Variants in LRRC49 observed in about 807,000 individuals in gnomAD.
LRRC49 encodes the protein leucine rich repeat containing 49, also known as leucine-rich repeat-containing protein 49.
A neutral mutation model predicts 83.3 loss-of-function variants in LRRC49; 50 were observed. That is an observed-to-expected ratio of 0.60 (90% CI 0.48 to 0.76). LRRC49 has a LOEUF of 0.76. LRRC49 is among the 30% of genes least tolerant of loss of function. The probability of loss-of-function intolerance (pLI) is 0.00; values close to 1 mark genes in which losing one functional copy is unlikely to be tolerated. For missense variants in LRRC49, 704 were observed against 809.1 expected, an observed-to-expected ratio of 0.87 and a Z score of 1.58; for synonymous variants, 286 against 283.3, an observed-to-expected ratio of 1.01 and a Z score of -0.10.
At chr15:70,892,582 G>A (rs2033627855), upstream of LRRC49, 3 of 1,477,858 alleles carry the variant, frequency 2.0e-6, no homozygotes, top group African/African-American at 1.4e-5. Flanking sequence ...CGGAAGTGGT[G>A]GTGGTTATAG....
chr15:70,974,291 A>G (rs535964651), intron 9 of LRRC49, among the ~76,000 whole-genome samples: 1 of 152,270 alleles, frequency 6.6e-6, no homozygotes, highest in East Asian at 1.9e-4. Context: ...TGCTATAGAC[A>G]GTGTTTTGGT....
At chr15:70,870,780 G>T (rs2096749887) in intron 1 of LRRC49, among the ~76,000 whole-genome samples, 1 of 152,146 alleles carries the variant, frequency 6.6e-6, no homozygotes, top group Non-Finnish European at 1.5e-5. Flanking sequence ...GTGAGCCACC[G>T]TGCCCAGCCA....
At chr15:70,885,485 G>A (rs2033382323) in intron 2 of LRRC49, among the ~76,000 whole-genome samples, 1 of 152,074 alleles carries the variant, frequency 6.6e-6, no homozygotes, top group South Asian at 2.1e-4. Context: ...GCAGCCAGAG[G>A]AAAAAAGATA....
upstream of LRRC49, among the ~76,000 whole-genome samples, chr15:70,890,422 G>A (rs1448852296): frequency 1.3e-5 from 2 of 152,084 alleles, no homozygotes; most frequent in South Asian, 2.1e-4. Flanking sequence ...TGTTCTTATA[G>A]TCATGTAATC....
At chr15:70,922,633 T>G (rs2035050303) in intron 7 of LRRC49, among the ~76,000 whole-genome samples, 1 of 152,012 alleles carries the variant, frequency 6.6e-6, no homozygotes, top group Non-Finnish European at 1.5e-5. Flanking sequence ...GTGACTATAG[T>G]CAATAATAAA....
upstream of LRRC49, among the ~76,000 whole-genome samples, chr15:70,890,462 A>G (rs1479345428): frequency 1.3e-5 from 2 of 152,202 alleles, no homozygotes; most frequent in East Asian, 3.8e-4. Flanking sequence ...AATTACTTAA[A>G]TTTGTAAAAT....
chr15:71,011,223 A>G (rs2038641068), intron 13 of LRRC49, among the ~76,000 whole-genome samples: 1 of 152,112 alleles, frequency 6.6e-6, no homozygotes, highest in Non-Finnish European at 1.5e-5. Flanking sequence ...GGACCTAATA[A>G]TTAGTCCTAA....
chr15:70,862,275 G>C (rs1225332064), intron 1 of LRRC49, among the ~76,000 whole-genome samples: 1 of 151,944 alleles, frequency 6.6e-6, no homozygotes, highest in East Asian at 1.9e-4. Context: ...TCACCTGGGG[G>C]GCTTTTAAAA....
intron 3 of LRRC49, among the ~76,000 whole-genome samples, chr15:70,896,171 T>C (rs1376929160): frequency 1.3e-5 from 2 of 152,006 alleles, no homozygotes; most frequent in East Asian, 3.9e-4. Context: ...GGCTATACAC[T>C]AGAGAATGGA....
intron 13 of LRRC49, among the ~76,000 whole-genome samples, chr15:71,012,469 A>G (rs1465141726): frequency 1.3e-5 from 2 of 151,986 alleles, no homozygotes; most frequent in Non-Finnish European, 2.9e-5. Context: ...CCTCTAAATC[A>G]TTCTAATCCA....
chr15:70,863,625 G>A (rs1232380276), intron 1 of LRRC49, among the ~76,000 whole-genome samples: 1 of 152,128 alleles, frequency 6.6e-6, no homozygotes, highest in East Asian at 1.9e-4. Flanking sequence ...TAGGAGCCAG[G>A]CACCACAAGC....
Position 71,037,301 on chromosome 15 carries a change from C to G in LRRC49, c.1826C>G (p.Thr609Ser). Residue 609 changes from threonine (T) to serine (S), a missense_variant, in exon 15 of 16, where the codon ACT becomes AGT. Physicochemically the swap from Thr to Ser is moderately conservative, Grantham distance 58. Transcript: ENST00000260382. Reference protein sequence around the residue: ...ENTNRATLNYTTRDFYNEKLE... With the variant: ...ENTNRATLNYSTRDFYNEKLE... The stretch of plus-strand genomic sequence containing the variant: ...ACAAATCGTGCTACATTAAATTATA[C>G]TACAAGAGACTTTTATAATGAAAAG... The G allele has an allele frequency of 3.7e-6, 6 of 1,600,646 alleles. No individual in the cohort carries two copies. Among genetic ancestry groups the G allele is most frequent in the Non-Finnish European group, 5.1e-6 (6 of 1,174,668 alleles).
chr15:71,042,410 G>T (rs2039722616), intron 15 of LRRC49, among the ~76,000 whole-genome samples: 1 of 152,138 alleles, frequency 6.6e-6, no homozygotes, highest in Non-Finnish European at 1.5e-5. Flanking sequence ...AAAGAGGAAA[G>T]AAGGAATCTG....
intron 9 of LRRC49, among the ~76,000 whole-genome samples, chr15:70,970,477 A>G (rs1344743428): frequency 6.6e-6 from 1 of 152,174 alleles, no homozygotes; most frequent in African/African-American, 2.4e-5. Context: ...AGGATTTAGT[A>G]TCAGGATGAT....
At chr15:70,883,022 T>C in intron 2 of LRRC49, 1 of 981,220 alleles carries the variant, frequency 1.0e-6, no homozygotes. Context: ...CACATATTAG[T>C]AAGGCTGATA....
chr15:70,974,286 TAGAC>T (rs2141213312), intron 9 of LRRC49, among the ~76,000 whole-genome samples: 1 of 152,342 alleles, frequency 6.6e-6, no homozygotes, highest in South Asian at 2.1e-4. Flanking sequence ...AGGAGTGCTA[TAGAC>T]AGTGTTTTGG....
At chr15:70,893,562 T>G (rs577294170) in intron 1 of LRRC49, 22 bp from the exon 2 acceptor site, 65 of 1,556,922 alleles carry the variant, frequency 4.2e-5, no homozygotes, top group Non-Finnish European at 5.7e-5. Context: ...GCAAATTTTA[T>G]GGTTTAATTT....
chr15:70,855,312 G>T (rs1446416053), intron 1 of LRRC49, among the ~76,000 whole-genome samples: 1 of 144,188 alleles, frequency 6.9e-6, no homozygotes, highest in African/African-American at 2.6e-5. Context: ...TCCAGCCTGG[G>T]CAACAGAGCG....
chr15:70,889,274 T>C (rs575536874), upstream of LRRC49, among the ~76,000 whole-genome samples: 1 of 152,134 alleles, frequency 6.6e-6, no homozygotes, highest in Admixed American at 6.5e-5. Context: ...TATGCAACAA[T>C]ATGGATGAAT....
Sources: gnomAD v4.1 joint callset for allele counts (sites outside exome capture counted in the v4.1 genomes callset) on GRCh38, gnomAD v4.1.1 for gene constraint, MANE v1.5 for transcripts, NCBI Gene and HGNC (gene_info 2026-07-23, HGNC 2026-07-21) for gene names.